MBOAT1: variants seen among roughly 807,000 people sequenced by gnomAD.
MBOAT1 encodes membrane bound glycerophospholipid O-acyltransferase 1, also known as membrane-bound glycerophospholipid O-acyltransferase 1.
In MBOAT1, 67 loss-of-function variants were observed where a neutral mutation model predicts 64.4. The ratio of observed to expected loss-of-function variants is 1.04; its 90% confidence interval spans 0.85 to 1.27. MBOAT1 has a LOEUF of 1.27. Among genes scored for constraint, MBOAT1 ranks in the 50% most tolerant of loss-of-function variants. MBOAT1 has a pLI of 0.00. For synonymous variants in MBOAT1, 229 were observed against 218.9 expected, an observed-to-expected ratio of 1.05 and a Z score of -0.41; for missense variants, 563 against 604.6, an observed-to-expected ratio of 0.93 and a Z score of 0.72.
intron 1 of MBOAT1, among the ~76,000 whole-genome samples, chr6:20,192,248 T>A (rs559095242): frequency 2.1e-4 from 32 of 152,232 alleles, no homozygotes; most frequent in African/African-American, 5.3e-4. Flanking sequence ...AGTCAAAAAT[T>A]TTTTTCTTTC....
Position 20,212,123 on chromosome 6 carries a change from G to C in MBOAT1, c.99+13C>G. 1 of 1,612,018 alleles carries C rather than the reference G, an allele frequency of 6.2e-7. No homozygotes were observed. Among genetic ancestry groups the C allele is most frequent in the Non-Finnish European group, 8.5e-7 (1 of 1,179,100 alleles). ...GGGGAGCTGGGGTCGCTGCGCTCCC[G>C]GCCTGCAGTTACCTGGTCCAGCGGG... On this transcript the variant is annotated intron_variant, in intron 1 of 12. Coordinates refer to ENST00000324607, the MANE Select transcript of MBOAT1 (RefSeq NM_001080480.3).
rs115602603 is a variant in MBOAT1, at chr6:20,139,195, C to T, written c.419+5025G>A. On this transcript the variant is annotated intron_variant, in intron 4 of 12. Coordinates refer to ENST00000324607, the MANE Select transcript of MBOAT1 (RefSeq NM_001080480.3). ...GGCTGGAATGCAGTGGTGTGGTCTCCGCTCCCTACAACCTCCACCTCCTGG... is the reference window on the plus strand; with the variant it reads ...GGCTGGAATGCAGTGGTGTGGTCTCTGCTCCCTACAACCTCCACCTCCTGG... 7.4e-3 allele frequency among the ~76,000 whole-genome samples: 1,119 copies of T among 152,212 alleles called. 14 individuals carry two copies. Among genetic ancestry groups the T allele is most frequent in the African/African-American group, 0.025 (1,049 of 41,524 alleles).
intron 1 of MBOAT1, among the ~76,000 whole-genome samples, chr6:20,184,647 C>T (rs1196856552): frequency 6.6e-6 from 1 of 152,106 alleles, no homozygotes; most frequent in Non-Finnish European, 1.5e-5. Context: ...TGTGTCTGTC[C>T]CAGGCTGAGA....
In MBOAT1 at chr6:20,118,323, CCT is replaced by C. The variant is rs1437782479; in HGVS notation, c.1011+112_1011+113del. The C allele has an allele frequency of 1.1e-5, 9 of 815,616 alleles. No homozygotes were observed. In the African/African-American group the frequency reaches 1.5e-4, roughly 14 times the overall value. The allele number at this position is 815,616 out of a possible 1,614,324, so 50.5% of individuals were successfully genotyped here. The stretch of plus-strand genomic sequence containing the variant: ...AGTAGGCTGCTGAGCCTGGCAATTC[CCT>C]GAGAGCAGCTTTTCTTTGGACACAT... On this transcript the variant is annotated intron_variant, in intron 9 of 12. Coordinates refer to ENST00000324607, the MANE Select transcript of MBOAT1 (RefSeq NM_001080480.3).
At chr6:20,190,287 C>G (rs973228852) in intron 1 of MBOAT1, among the ~76,000 whole-genome samples, 2 of 152,168 alleles carry the variant, frequency 1.3e-5, no homozygotes, top group African/African-American at 2.4e-5. Flanking sequence ...GCCACTGTAC[C>G]TGGCCGCTCT....
chr6:20,210,293 A>G (rs976616681), intron 1 of MBOAT1, among the ~76,000 whole-genome samples: 1 of 152,224 alleles, frequency 6.6e-6, no homozygotes, highest in Non-Finnish European at 1.5e-5. Flanking sequence ...GGTCAGTCTG[A>G]CATCTAAGCC....
intron 8 of MBOAT1, 148 bp downstream of exon 8, chr6:20,124,260 T>C (rs1760584869): frequency 4.4e-6 from 3 of 681,536 alleles, no homozygotes; most frequent in Admixed American, 2.9e-5. Context: ...GAGTGCTATG[T>C]TGGTACGTTA....
At chr6:20,136,241 T>A (rs565937395) in intron 4 of MBOAT1, among the ~76,000 whole-genome samples, 96 of 152,352 alleles carry the variant, frequency 6.3e-4, no homozygotes, top group African/African-American at 2.1e-3. Context: ...TTCATTAGTA[T>A]CTATTCAGAA....
At chr6:20,115,146 T>G in intron 10 of MBOAT1, 142 bp downstream of exon 10, 1 of 694,984 alleles carries the variant, frequency 1.4e-6, no homozygotes, top group East Asian at 2.5e-5. Flanking sequence ...TTCTACTTTA[T>G]CATTTACAGG....
chr6:20,124,392 A>C lies in MBOAT1; in HGVS notation c.907+16T>G, dbSNP rs780848573. On this transcript the variant is annotated intron_variant, in intron 8 of 12. Coordinates refer to ENST00000324607, the MANE Select transcript of MBOAT1 (RefSeq NM_001080480.3). ...ATTTTTCCCTCATTCAGTTACAGCT[A>C]CTCCATCAAACTTACCTAATGTCCA... The C allele has an allele frequency of 1.3e-5, 21 of 1,609,066 alleles. No homozygotes were observed. Among genetic ancestry groups the C allele is most frequent in the Non-Finnish European group, 1.8e-5 (21 of 1,176,944 alleles).
At chr6:20,106,170 C>A (rs996116208) in intron 12 of MBOAT1, among the ~76,000 whole-genome samples, 1 of 152,194 alleles carries the variant, frequency 6.6e-6, no homozygotes, top group Admixed American at 6.5e-5. Flanking sequence ...CACTAAAAAG[C>A]TACGCAATTT....
intron 1 of MBOAT1, among the ~76,000 whole-genome samples, chr6:20,185,086 C>CA (rs901790739): frequency 2.0e-4 from 30 of 151,004 alleles, no homozygotes; most frequent in African/African-American, 6.1e-4. Flanking sequence ...CCCATCTCTA[C>CA]AAAAAAAAAT....
chr6:20,137,090 T>G (rs1761017613), intron 4 of MBOAT1, among the ~76,000 whole-genome samples: 1 of 152,178 alleles, frequency 6.6e-6, no homozygotes, highest in South Asian at 2.1e-4. Flanking sequence ...GATTTCCTTA[T>G]GGTAATTTAA....
chr6:20,175,660 C>T (rs955104602), intron 1 of MBOAT1, among the ~76,000 whole-genome samples: 21 of 149,312 alleles, frequency 1.4e-4, no homozygotes, highest in African/African-American at 2.7e-4. Flanking sequence ...TTAGTAGAGA[C>T]GCAATTTCAC....
rs1561765779 is a variant in MBOAT1, at chr6:20,152,368, AATT to A, written c.245+253_245+255del. Among the ~76,000 whole-genome samples, 529 of 110,068 alleles carry A rather than the reference AATT, an allele frequency of 4.8e-3. 5 individuals carry two copies. Among genetic ancestry groups the A allele is most frequent in the African/African-American group, 0.013 (477 of 35,910 alleles). The allele number at this position is 110,068 out of a possible 152,430, so 72.2% of individuals were successfully genotyped here. On this transcript the variant is annotated intron_variant, in intron 2 of 12. Transcript: ENST00000324607. ...AAATAAATAAATAAATAAATAAATT[AATT>A]AATTAATTAATTAATTAAAAAAAAG...
At chr6:20,201,329 T>C (rs1763118746) in intron 1 of MBOAT1, among the ~76,000 whole-genome samples, 1 of 150,996 alleles carries the variant, frequency 6.6e-6, no homozygotes, top group Admixed American at 6.6e-5. Context: ...ACTGTTAAGT[T>C]GAAAGGAAGA....
At chr6:20,144,922 T>C (rs1420674825) in intron 3 of MBOAT1, among the ~76,000 whole-genome samples, 1 of 152,142 alleles carries the variant, frequency 6.6e-6, no homozygotes, top group African/African-American at 2.4e-5. Context: ...CAGGTTTCAA[T>C]TACCACTTAC....
intron 11 of MBOAT1, 70 bp from the exon 12 acceptor site, chr6:20,109,819 T>C (rs767087871): frequency 2.8e-5 from 42 of 1,497,196 alleles, no homozygotes; most frequent in Non-Finnish European, 3.8e-5. Context: ...ACTCTGTGCA[T>C]GCAGATAGTA....
intron 1 of MBOAT1, among the ~76,000 whole-genome samples, chr6:20,203,336 G>T (rs1763174579): frequency 6.6e-6 from 1 of 152,166 alleles, no homozygotes; most frequent in East Asian, 1.9e-4. Flanking sequence ...ATAACTGGAG[G>T]TGATGAGTAT....
Sources: allele counts gnomAD v4.1 joint callset (sites outside exome capture counted in the v4.1 genomes callset), GRCh38; gene constraint gnomAD v4.1.1; transcripts MANE v1.5; gene names NCBI Gene and HGNC (gene_info 2026-07-23, HGNC 2026-07-21).